KIAA1671: variants seen among roughly 807,000 people sequenced by gnomAD.
The protein encoded by KIAA1671 is uncharacterized protein KIAA1671.
A neutral mutation model predicts 131.2 loss-of-function variants in KIAA1671; 52 were observed. The ratio of observed to expected loss-of-function variants is 0.40; its 90% CI spans 0.32 to 0.50. The LOEUF is 0.50. Among genes scored for constraint, KIAA1671 ranks in the 20% least tolerant of loss-of-function variants. The probability of loss-of-function intolerance (pLI) is 0.73; values close to 1 mark genes in which losing one functional copy is unlikely to be tolerated. For synonymous variants in KIAA1671, 1,003 were observed against 961.6 expected, an observed-to-expected ratio of 1.04 and a Z score of -0.80; for missense variants, 2,360 against 2,364.2, an observed-to-expected ratio of 1.00 and a Z score of 0.04.
chr22:25,178,371 G>A (rs1165511850), intron 9 of KIAA1671, among the ~76,000 whole-genome samples: 1 of 152,178 alleles, frequency 6.6e-6, no homozygotes, highest in Non-Finnish European at 1.5e-5. Context: ...TGTGGGCAGC[G>A]GTCCCACAAA....
At chr22:25,136,258 C>T (rs1285861047) in intron 6 of KIAA1671, among the ~76,000 whole-genome samples, 1 of 152,178 alleles carries the variant, frequency 6.6e-6, no homozygotes, top group Admixed American at 6.5e-5. Context: ...CTCTCTCTCT[C>T]ATACAGACAC....
chr22:25,045,372 G>C (rs1428001447), intron 5 of KIAA1671, among the ~76,000 whole-genome samples: 1 of 152,104 alleles, frequency 6.6e-6, no homozygotes, highest in Non-Finnish European at 1.5e-5. Context: ...TGCTATTAGC[G>C]TCTCATGGGT....
At chr22:25,092,473 T>G (rs1057161501) in intron 6 of KIAA1671, among the ~76,000 whole-genome samples, 1 of 152,108 alleles carries the variant, frequency 6.6e-6, no homozygotes, top group Non-Finnish European at 1.5e-5. Context: ...TTATTCTGGC[T>G]GTAGTGGAGA....
chr22:24,974,281 A>G (rs1160901553), intron 1 of KIAA1671, among the ~76,000 whole-genome samples: 2 of 151,862 alleles, frequency 1.3e-5, no homozygotes, highest in African/African-American at 4.8e-5. Flanking sequence ...CCCCTCCATG[A>G]GCTTTAGTGT....
chr22:24,999,639 C>G (rs1053233814), intron 1 of KIAA1671, among the ~76,000 whole-genome samples: 1 of 145,256 alleles, frequency 6.9e-6, no homozygotes, highest in Non-Finnish European at 1.5e-5. Context: ...CTCAGTTCAC[C>G]GTAACCTCCA....
intron 1 of KIAA1671, among the ~76,000 whole-genome samples, chr22:24,962,093 T>C (rs570884592): frequency 2.6e-5 from 4 of 152,202 alleles, no homozygotes; most frequent in East Asian, 3.9e-4. Context: ...AAATGAGGGA[T>C]GATTGTCTTG....
chr22:25,076,267 A>G (rs920195975), intron 6 of KIAA1671, among the ~76,000 whole-genome samples: 6 of 151,966 alleles, frequency 3.9e-5, no homozygotes, highest in African/African-American at 1.5e-4. Flanking sequence ...CTAGTAGCCA[A>G]TTCTTTGTGG....
chr22:25,095,277 G>A (rs560756024), intron 6 of KIAA1671, among the ~76,000 whole-genome samples: 5 of 152,266 alleles, frequency 3.3e-5, no homozygotes, highest in East Asian at 1.9e-4. Context: ...GGTGCCGTGC[G>A]GTCCAGTCTC....
intron 9 of KIAA1671, among the ~76,000 whole-genome samples, chr22:25,180,622 A>G (rs1934234163): frequency 6.6e-6 from 1 of 152,122 alleles, no homozygotes; most frequent in Non-Finnish European, 1.5e-5. Flanking sequence ...CAGCCTTTTT[A>G]GTCCTCAAAA....
intron 1 of KIAA1671, among the ~76,000 whole-genome samples, chr22:24,972,478 A>T (rs1479723153): frequency 6.6e-6 from 1 of 151,632 alleles, no homozygotes; most frequent in Non-Finnish European, 1.5e-5. Flanking sequence ...GCATCCATCC[A>T]TCCATCCATA....
At chr22:25,179,653 T>C (rs6004461) in intron 9 of KIAA1671, 226,016 of 674,132 alleles carry the variant, frequency 0.34, 39,302 homozygotes, top group East Asian at 0.47. Context: ...GCAGAACTTA[T>C]CAGAAACTAG....
intron 11 of KIAA1671, chr22:25,186,094 C>A (rs560065747): frequency 6.6e-6 from 1 of 152,338 alleles, no homozygotes; most frequent in African/African-American, 2.4e-5. Context: ...CACATGCATT[C>A]ATTTATGTAT....
chr22:25,109,599 C>T (rs1375612904), intron 6 of KIAA1671, among the ~76,000 whole-genome samples: 1 of 152,196 alleles, frequency 6.6e-6, no homozygotes, highest in Admixed American at 6.5e-5. Flanking sequence ...CATGATTTCA[C>T]CTCTGTGGAT....
intron 6 of KIAA1671, 79 bp downstream of exon 6, chr22:25,049,443 G>A (rs1927415169): frequency 3.4e-6 from 5 of 1,473,882 alleles, no homozygotes; most frequent in Middle Eastern, 2.0e-4. Flanking sequence ...GGTTGGTGGA[G>A]CATCTGGACA....
chr22:25,191,010 A>G (rs1159807324), intron 12 of KIAA1671, among the ~76,000 whole-genome samples: 2 of 152,118 alleles, frequency 1.3e-5, no homozygotes, highest in East Asian at 3.8e-4. Context: ...AGTGGGTGAA[A>G]GGTACCAGGC....
chr22:25,161,885 A>G (rs2145995261), intron 6 of KIAA1671, among the ~76,000 whole-genome samples: 1 of 152,236 alleles, frequency 6.6e-6, no homozygotes, highest in Middle Eastern at 3.4e-3. Flanking sequence ...CATGCCTCCC[A>G]CTGCTTGGTC....
At chr22:25,140,128 C>T (rs1048854897) in intron 6 of KIAA1671, among the ~76,000 whole-genome samples, 7 of 152,246 alleles carry the variant, frequency 4.6e-5, no homozygotes, top group Admixed American at 3.9e-4. Flanking sequence ...GTTGGCTGGG[C>T]TGCATTCTCA....
rs918868201 is a variant in KIAA1671, at chr22:25,028,441, G to C, written c.442G>C (p.Glu148Gln). 2.6e-6 allele frequency: 4 copies of C among 1,550,622 alleles called. No individual in the cohort carries two copies. The highest frequency in any genetic ancestry group is 2.4e-5 in the East Asian group (1 of 40,908). ...RPSSSTMILF[E>Q]TTKSGPALGK... ...CAGCTCCAGCACCATGATTCTCTTC[G>C]AAACCACCAAAAGCGGCCCCGCTCT... The change falls in exon 3 of 13, where the codon GAA becomes CAA. Residue 148 changes from glutamate (E) to glutamine (Q), a missense_variant. By Grantham distance (29) the Glu-to-Gln change is conservative. Transcript: ENST00000358431.
intron 1 of KIAA1671, among the ~76,000 whole-genome samples, chr22:24,957,605 A>C (rs942878566): frequency 6.7e-6 from 1 of 149,768 alleles, no homozygotes; most frequent in Admixed American, 6.6e-5. Context: ...GGGAGAATGT[A>C]GGTAAAGCAC....
Sources: allele counts gnomAD v4.1 joint callset (sites outside exome capture counted in the v4.1 genomes callset), GRCh38; gene constraint gnomAD v4.1.1; transcripts MANE v1.5; gene names NCBI Gene and HGNC (gene_info 2026-07-23, HGNC 2026-07-21).